L3MBTL4: variants seen among roughly 807,000 people sequenced by gnomAD.
The protein encoded by L3MBTL4 is L3MBTL histone methyl-lysine binding protein 4.
L3MBTL4 carries 70 observed loss-of-function variants against 84.5 expected under a neutral mutation model. That is an observed-to-expected ratio of 0.83 (90% CI 0.68 to 1.01). The LOEUF (loss-of-function observed/expected upper bound fraction) is 1.01, where lower values mean the gene tolerates loss of function less well. Ranked by LOEUF, L3MBTL4 falls within the 50% of genes least tolerant of loss-of-function variation. L3MBTL4 has a pLI of 0.00. For missense variants in L3MBTL4, 715 were observed against 754.8 expected (o/e 0.95, Z 0.62); for synonymous variants, 274 against 259.8 (o/e 1.05, Z -0.52).
chr18:6,115,958 C>T (rs1042442412), intron 14 of L3MBTL4, among the ~76,000 whole-genome samples: 1 of 152,188 alleles, frequency 6.6e-6, no homozygotes, highest in Non-Finnish European at 1.5e-5. Flanking sequence ...GGAATTTCTG[C>T]ATGGGTTGGG....
intron 16 of L3MBTL4, among the ~76,000 whole-genome samples, chr18:6,015,783 C>G (rs1156715648): frequency 6.6e-6 from 1 of 151,944 alleles, no homozygotes; most frequent in African/African-American, 2.4e-5. Flanking sequence ...ACAGTGAAAC[C>G]CCGTCTCTAT....
At chr18:6,244,675 C>T in intron 5 of L3MBTL4, 87 bp from the exon 6 acceptor site, 1 of 898,968 alleles carries the variant, frequency 1.1e-6, no homozygotes, top group Non-Finnish European at 1.8e-6. Flanking sequence ...TAGGTGAAGT[C>T]TAAAACAATT....
intron 16 of L3MBTL4, among the ~76,000 whole-genome samples, chr18:6,058,983 C>T (rs906181415): frequency 2.5e-4 from 38 of 152,166 alleles, no homozygotes; most frequent in Non-Finnish European, 1.8e-4. Flanking sequence ...TCTGCTTCTC[C>T]GGTTGTCTCT....
chr18:6,314,831 T>C (rs1177700063), intron 1 of L3MBTL4, among the ~76,000 whole-genome samples: 1 of 152,192 alleles, frequency 6.6e-6, no homozygotes, highest in Non-Finnish European at 1.5e-5. Flanking sequence ...TGATCATCTA[T>C]TAACCACCAA....
chr18:6,247,496 T>C (rs983791371), intron 5 of L3MBTL4, among the ~76,000 whole-genome samples: 71 of 143,262 alleles, frequency 5.0e-4, no homozygotes, highest in Non-Finnish European at 8.6e-4. Context: ...TTTTTTTTTT[T>C]TAGATGGAGT....
At chr18:6,241,553 T>C (rs1187803695) in intron 7 of L3MBTL4, 104 bp from the exon 8 acceptor site, 2 of 623,812 alleles carry the variant, frequency 3.2e-6, no homozygotes, top group Admixed American at 3.1e-5. Context: ...GCCATTACTT[T>C]TAATGGAAAA....
At chr18:6,106,495 G>C (rs1017788349) in intron 14 of L3MBTL4, among the ~76,000 whole-genome samples, 10 of 152,112 alleles carry the variant, frequency 6.6e-5, no homozygotes, top group African/African-American at 2.4e-4. Context: ...GAATTCTTTA[G>C]AACAAAGGCA....
intron 1 of L3MBTL4, among the ~76,000 whole-genome samples, chr18:6,374,727 C>T (rs7233103): frequency 0.12 from 18,832 of 152,062 alleles, 1,661 homozygotes; most frequent in East Asian, 0.3. Context: ...GAACCAGTCA[C>T]GCCCCGCCTC....
intron 5 of L3MBTL4, among the ~76,000 whole-genome samples, chr18:6,251,729 A>G (rs1202044394): frequency 6.6e-6 from 1 of 152,192 alleles, no homozygotes; most frequent in African/African-American, 2.4e-5. Flanking sequence ...AAATATCTAA[A>G]ATTGGTGGTC....
intron 1 of L3MBTL4, among the ~76,000 whole-genome samples, chr18:6,354,922 C>G (rs1374527963): frequency 6.6e-6 from 1 of 152,164 alleles, no homozygotes. Context: ...TCCAGCAGTC[C>G]TTCTGCTGGG....
chr18:6,185,681 C>A (rs1432756720), intron 12 of L3MBTL4, among the ~76,000 whole-genome samples: 1 of 152,106 alleles, frequency 6.6e-6, no homozygotes, highest in Admixed American at 6.5e-5. Flanking sequence ...CACAAGTCTA[C>A]AAGAAATCCT....
At chr18:6,267,714 GCCT>G (rs1322425255) in intron 4 of L3MBTL4, among the ~76,000 whole-genome samples, 1 of 152,102 alleles carries the variant, frequency 6.6e-6, no homozygotes, top group Non-Finnish European at 1.5e-5. Context: ...ACTATCTAAG[GCCT>G]CCTTTTATGA....
At chr18:6,062,795 T>A (rs1367346197) in intron 16 of L3MBTL4, among the ~76,000 whole-genome samples, 1 of 151,782 alleles carries the variant, frequency 6.6e-6, no homozygotes, top group Admixed American at 6.6e-5. Context: ...ATTCTTCATT[T>A]CTGTTATTTT....
intron 16 of L3MBTL4, among the ~76,000 whole-genome samples, chr18:5,999,881 T>G (rs2054140253): frequency 6.6e-6 from 1 of 152,188 alleles, no homozygotes; most frequent in Non-Finnish European, 1.5e-5. Flanking sequence ...GAAGCCCTAC[T>G]GGACTTAGTT....
At chr18:6,170,659 C>T (rs1486467940) in intron 13 of L3MBTL4, among the ~76,000 whole-genome samples, 3 of 152,058 alleles carry the variant, frequency 2.0e-5, no homozygotes, top group African/African-American at 7.2e-5. Context: ...ATCTGCAATG[C>T]TGGTCCACGC....
intron 1 of L3MBTL4, among the ~76,000 whole-genome samples, chr18:6,376,263 T>C (rs766816996): frequency 2.6e-5 from 4 of 152,158 alleles, no homozygotes; most frequent in Non-Finnish European, 4.4e-5. Flanking sequence ...TCTCTTAATG[T>C]AGGTCCCACT....
At chr18:6,278,763 C>T (rs1475516475) in intron 4 of L3MBTL4, among the ~76,000 whole-genome samples, 2 of 151,980 alleles carry the variant, frequency 1.3e-5, no homozygotes, top group Admixed American at 6.6e-5. Flanking sequence ...TTCCTGAGTG[C>T]CCTGTGATAA....
chr18:6,062,162 G>A (rs2057243602), intron 16 of L3MBTL4, among the ~76,000 whole-genome samples: 1 of 151,934 alleles, frequency 6.6e-6, no homozygotes, highest in African/African-American at 2.4e-5. Flanking sequence ...TTGCAAGGCA[G>A]TTCTACTGGA....
At chr18:6,097,074 T>C (rs2058665347) in intron 14 of L3MBTL4, among the ~76,000 whole-genome samples, 1 of 152,150 alleles carries the variant, frequency 6.6e-6, no homozygotes, top group Non-Finnish European at 1.5e-5. Context: ...CACACAAAAT[T>C]GCAGTTTTTA....
Sources: allele counts gnomAD v4.1 joint callset (sites outside exome capture counted in the v4.1 genomes callset), GRCh38; gene constraint gnomAD v4.1.1; transcripts MANE v1.5; gene names NCBI Gene and HGNC (gene_info 2026-07-23, HGNC 2026-07-21).